Variants in ESCO1 observed in about 807,000 individuals in gnomAD.
ESCO1 encodes the protein establishment of sister chromatid cohesion N-acetyltransferase 1.
ESCO1 carries 33 observed loss-of-function variants against 83.5 expected under a neutral mutation model. That is an observed-to-expected ratio of 0.40 (90% CI 0.30 to 0.53). The LOEUF is 0.53. ESCO1 is among the 20% of genes least tolerant of loss of function. The pLI is 0.63. For missense variants in ESCO1, 855 were observed against 968.0 expected, an observed-to-expected ratio of 0.88 and a Z score of 1.55; for synonymous variants, 332 against 324.3, an observed-to-expected ratio of 1.02 and a Z score of -0.25.
chr18:21,565,218 A>C (rs2038243455), intron 6 of ESCO1, among the ~76,000 whole-genome samples: 1 of 152,276 alleles, frequency 6.6e-6, no homozygotes, highest in Non-Finnish European at 1.5e-5. Flanking sequence ...ATATGCTTTT[A>C]AGTTTTATAG....
intron 1 of ESCO1, among the ~76,000 whole-genome samples, chr18:21,586,045 T>C (rs868224221): frequency 3.0e-4 from 45 of 152,232 alleles, no homozygotes; most frequent in African/African-American, 1.1e-3. Context: ...ATCAGGAACA[T>C]TTCATATCTC....
chr18:21,532,439 C>T, intron 11 of ESCO1, 34 bp downstream of exon 11: 3 of 1,585,384 alleles, frequency 1.9e-6, no homozygotes, highest in Non-Finnish European at 2.6e-6. Context: ...TCCTAAACTA[C>T]TAAAAATGAT....
intron 6 of ESCO1, 100 bp from the exon 7 acceptor site, chr18:21,564,417 G>A: frequency 1.3e-6 from 1 of 798,688 alleles, no homozygotes; most frequent in Non-Finnish European, 1.9e-6. Context: ...TTGAGACGAA[G>A]TCTCACTCTG....
At chr18:21,597,907 A>G (rs1282727233) in intron 1 of ESCO1, among the ~76,000 whole-genome samples, 1 of 152,220 alleles carries the variant, frequency 6.6e-6, no homozygotes, top group African/African-American at 2.4e-5. Context: ...CTGGGTTAAC[A>G]GAATGCTCTT....
chr18:21,584,934 G>A (rs897157053), intron 1 of ESCO1, among the ~76,000 whole-genome samples: 43 of 152,142 alleles, frequency 2.8e-4, no homozygotes, highest in Admixed American at 2.8e-3. Context: ...AACGAGGTCA[G>A]TTCAAGACCA....
At chr18:21,589,337 A>G (rs1316895231) in intron 1 of ESCO1, among the ~76,000 whole-genome samples, 1 of 152,130 alleles carries the variant, frequency 6.6e-6, no homozygotes, top group Non-Finnish European at 1.5e-5. Flanking sequence ...ACTTCTTAAA[A>G]TTAATCAGCC....
At chr18:21,540,604 A>G (rs1233398000) in intron 8 of ESCO1, 1 of 1,335,748 alleles carries the variant, frequency 7.5e-7, no homozygotes, top group Non-Finnish European at 9.8e-7. Context: ...GGGAAGGAGA[A>G]GCTACGTTGT....
chr18:21,587,297 T>A (rs1047825354), intron 1 of ESCO1, among the ~76,000 whole-genome samples: 1 of 152,196 alleles, frequency 6.6e-6, no homozygotes, highest in African/African-American at 2.4e-5. Flanking sequence ...AAGAGATCCC[T>A]CCTTTTCTAT....
At chr18:21,535,268 G>A (rs2037820369) in intron 10 of ESCO1, among the ~76,000 whole-genome samples, 1 of 151,098 alleles carries the variant, frequency 6.6e-6, no homozygotes, top group Admixed American at 6.6e-5. Flanking sequence ...AGGCTGGAGT[G>A]CAATGGCGTG....
At position 21,573,457 on chromosome 18, in the gene ESCO1, C is replaced by T. The variant is rs201277037; in HGVS notation, c.1387G>A (p.Val463Met). ...EKMKEINSEE[V>M]KINDITVEIN... ...TCTACTGTAATATCATTAATTTTCA[C>T]TTCTTCAGAATTAATTTCTTTCATT... The change falls in exon 4 of 12, where the codon GTG (valine) becomes ATG (methionine). Residue 463 changes from valine (V) to methionine (M), a missense_variant. Transcript: ENST00000269214. 2.5e-6 allele frequency: 4 copies of T among 1,612,096 alleles called. No homozygotes were observed. In the Admixed American group the frequency reaches 5.0e-5, roughly 20 times the overall value.
chr18:21,553,473 A>T (rs889016178), intron 8 of ESCO1, among the ~76,000 whole-genome samples: 3 of 65,198 alleles, frequency 4.6e-5, no homozygotes, highest in Non-Finnish European at 9.7e-5. Context: ...AAAAAAAAAA[A>T]AAATTTTTTT....
chr18:21,531,655 C>T (rs541102436), intron 11 of ESCO1, among the ~76,000 whole-genome samples: 12 of 151,458 alleles, frequency 7.9e-5, no homozygotes, highest in Middle Eastern at 3.4e-3. Flanking sequence ...CCCATCTCTA[C>T]AAAAAATAGA....
intron 10 of ESCO1, among the ~76,000 whole-genome samples, chr18:21,533,673 C>G (rs1230177299): frequency 6.6e-6 from 1 of 152,028 alleles, no homozygotes; most frequent in African/African-American, 2.4e-5. Flanking sequence ...GTCTAAACAC[C>G]GCTATAAGTC....
chr18:21,591,886 G>C (rs927611015), intron 1 of ESCO1, among the ~76,000 whole-genome samples: 3 of 151,038 alleles, frequency 2.0e-5, no homozygotes, highest in Non-Finnish European at 4.4e-5. Flanking sequence ...CGAGCATGCT[G>C]CCTTCAAGCA....
intron 8 of ESCO1, among the ~76,000 whole-genome samples, chr18:21,560,219 A>T (rs553254042): frequency 1.3e-5 from 2 of 152,184 alleles, no homozygotes; most frequent in South Asian, 2.1e-4. Flanking sequence ...CAATATTGCT[A>T]AAAAAATTTT....
chr18:21,538,673 G>T (rs1378204497), intron 9 of ESCO1, among the ~76,000 whole-genome samples: 2 of 152,114 alleles, frequency 1.3e-5, no homozygotes, highest in Non-Finnish European at 2.9e-5. Flanking sequence ...CTTTTCAGGT[G>T]AAGTATTCTT....
intron 2 of ESCO1, among the ~76,000 whole-genome samples, chr18:21,583,507 G>C (rs548362760): frequency 6.6e-6 from 1 of 152,114 alleles, no homozygotes; most frequent in Non-Finnish European, 1.5e-5. Flanking sequence ...AGCCAGGTGT[G>C]GTGGCATGTG....
chr18:21,589,643 A>C (rs1338243301), intron 1 of ESCO1, among the ~76,000 whole-genome samples: 2 of 152,190 alleles, frequency 1.3e-5, no homozygotes, highest in African/African-American at 4.8e-5. Flanking sequence ...GCAAATTCAG[A>C]AAGCCATCTA....
chr18:21,599,170 C>G (rs2038805718), intron 1 of ESCO1, among the ~76,000 whole-genome samples: 1 of 152,126 alleles, frequency 6.6e-6, no homozygotes, highest in African/African-American at 2.4e-5. Context: ...AACGCCGTCT[C>G]AACAACAAAT....
Sources: gnomAD v4.1 joint callset for allele counts (sites outside exome capture counted in the v4.1 genomes callset) on GRCh38, gnomAD v4.1.1 for gene constraint, MANE v1.5 for transcripts, NCBI Gene and HGNC (gene_info 2026-07-23, HGNC 2026-07-21) for gene names.